HEBP1: variants seen among roughly 807,000 people sequenced by gnomAD.
HEBP1 encodes heme binding protein 1.
Under a neutral mutation model 20.4 loss-of-function variants are expected in HEBP1, and 13 were observed. The observed-to-expected ratio is 0.64, with a 90% CI of 0.42 to 1.01. The LOEUF (loss-of-function observed/expected upper bound fraction) is 1.01. HEBP1 is among the 50% of genes least tolerant of loss of function. The probability of loss-of-function intolerance (pLI) is 0.00; values close to 1 mark genes in which losing one functional copy is unlikely to be tolerated. For missense variants in HEBP1, 241 were observed against 247.3 expected, an observed-to-expected ratio of 0.97 and a Z score of 0.17; for synonymous variants, 92 against 90.7, an observed-to-expected ratio of 1.01 and a Z score of -0.08.
At chr12:12,977,247 A>G (rs929526943) in intron 3 of HEBP1, among the ~76,000 whole-genome samples, 1 of 152,222 alleles carries the variant, frequency 6.6e-6, no homozygotes, top group Non-Finnish European at 1.5e-5. Flanking sequence ...CAATCTTCGA[A>G]GGCTACTGTA....
chr12:12,993,145 C>T (rs201155283), intron 1 of HEBP1, among the ~76,000 whole-genome samples: 2 of 23,624 alleles, frequency 8.5e-5, no homozygotes, highest in Non-Finnish European at 7.6e-4. Flanking sequence ...CTCCCTCCCT[C>T]CCTTCCTTCC....
intron 3 of HEBP1, chr12:12,980,142 C>T (rs542379146): frequency 2.6e-5 from 4 of 152,338 alleles, no homozygotes; most frequent in African/African-American, 9.6e-5. Flanking sequence ...AAAGAAGTAT[C>T]AGACCAGGAA....
intron 3 of HEBP1, chr12:12,985,682 T>C (rs1864143258): frequency 6.6e-6 from 1 of 152,050 alleles, no homozygotes; most frequent in Admixed American, 6.6e-5. Flanking sequence ...CATTAGGTAA[T>C]ACATAAATAG....
intron 2 of HEBP1, among the ~76,000 whole-genome samples, chr12:12,987,608 C>CTCTCTT (rs564000637): frequency 4.2e-5 from 2 of 48,158 alleles, no homozygotes; most frequent in Admixed American, 1.7e-4. Context: ...CTCTCTCTCT[C>CTCTCTT]TCTTTCTCTC....
At chr12:12,987,125 T>C (rs768897920) in intron 3 of HEBP1, 27 bp downstream of exon 3, 1 of 1,598,166 alleles carries the variant, frequency 6.3e-7, no homozygotes, top group South Asian at 1.1e-5. Context: ...GCGCCACCCA[T>C]GGATGCCTGA....
At chr12:12,993,575 G>A (rs1469149534) in intron 1 of HEBP1, among the ~76,000 whole-genome samples, 1 of 150,188 alleles carries the variant, frequency 6.7e-6, no homozygotes, top group East Asian at 1.9e-4. Context: ...TAGCCACTGT[G>A]TTAGATACTT....
At position 12,986,668 on chromosome 12, in the gene HEBP1, T is replaced by G. The variant is rs1043252399; in HGVS notation, c.398+484A>C. The G allele has an allele frequency of 6.5e-6, 1 of 153,206 alleles. No individual in the cohort carries two copies. The highest frequency in any genetic ancestry group is 1.5e-5 in the Non-Finnish European group (1 of 68,814). The allele number at this position is 153,206 out of a possible 1,614,324, so 9.5% of individuals were successfully genotyped here. On this transcript the variant is annotated intron_variant, in intron 3 of 3. Coordinates refer to ENST00000014930, the MANE Select transcript of HEBP1 (RefSeq NM_015987.5). This position sits in a 1 kb window ranked among gnomAD's most constrained non-coding sequence, Gnocchi z 4.3. Reference sequence around the variant, plus strand: ...AAACAGGACCAGGATGACAAGAGAATAGATGTGTGCTCTGCTCAAAGGACT... The same window carrying G: ...AAACAGGACCAGGATGACAAGAGAAGAGATGTGTGCTCTGCTCAAAGGACT...
rs1864313913 is a variant in HEBP1, at chr12:12,998,194, AT to A, written c.78+1842del. Among the ~76,000 whole-genome samples the A allele has an allele frequency of 6.6e-6, 1 of 151,956 alleles. No homozygotes were observed. The highest frequency in any genetic ancestry group is 1.5e-5 in the Non-Finnish European group (1 of 67,986). On this transcript the variant is annotated intron_variant, in intron 1 of 3. Transcript: ENST00000014930. This position sits in a 1 kb window ranked among gnomAD's most constrained non-coding sequence, Gnocchi z 4.2. ...CACTATCTGATCCATGATACATTTT[AT>A]TTGTTCATTAGCCAATAAAACATAA...
At position 12,983,758 on chromosome 12, in the gene HEBP1, A is replaced by C. The variant is rs114032123; in HGVS notation, c.398+3394T>G. 410 of 456,062 alleles carry C rather than the reference A, an allele frequency of 9.0e-4. 3 individuals are homozygous for C. Among genetic ancestry groups the C allele is most frequent in the African/African-American group, 7.7e-3 (386 of 50,178 alleles). 28.3% of individuals were successfully genotyped at this position (456,062 alleles called of 1,614,324 possible). Reference sequence around the variant, plus strand: ...CAGCTGTTTAGATTTCAGAGAATTAAAAGGAAATGGTCACCGACCTGCCTT... The same window carrying C: ...CAGCTGTTTAGATTTCAGAGAATTACAAGGAAATGGTCACCGACCTGCCTT... On this transcript the variant is annotated intron_variant, in intron 3 of 3. Coordinates refer to ENST00000014930, the MANE Select transcript of HEBP1 (RefSeq NM_015987.5).
At chr12:12,984,180 G>A (rs1864122836) in intron 3 of HEBP1, 1 of 154,622 alleles carries the variant, frequency 6.5e-6, no homozygotes. Flanking sequence ...GCATGTATCT[G>A]GCTTTTTCTA....
chr12:12,981,892 G>T (rs1159435759), intron 3 of HEBP1, among the ~76,000 whole-genome samples: 1 of 152,240 alleles, frequency 6.6e-6, no homozygotes, highest in Admixed American at 6.5e-5. Context: ...CTGAAGCTAT[G>T]ATGGGGACCA....
chr12:12,991,948 G>T (rs1864229854), intron 1 of HEBP1, among the ~76,000 whole-genome samples: 1 of 152,204 alleles, frequency 6.6e-6, no homozygotes, highest in African/African-American at 2.4e-5. Context: ...ATACCACAGA[G>T]CTTTACATGT....
intron 2 of HEBP1, 57 bp downstream of exon 2, chr12:12,989,220 T>G: frequency 4.9e-5 from 78 of 1,591,928 alleles, no homozygotes; most frequent in Non-Finnish European, 6.2e-5. Context: ...ACTGATGAAG[T>G]GAGACCTTGC....
chr12:12,990,115 T>TGCGC (rs1193164975), intron 1 of HEBP1, among the ~76,000 whole-genome samples: 5 of 72,886 alleles, frequency 6.9e-5, no homozygotes, highest in Admixed American at 2.0e-4. Context: ...CTACTCTCTG[T>TGCGC]GCACACACAC....
In HEBP1 at chr12:12,996,844, T is replaced by G. The variant is rs1022747023; in HGVS notation, c.78+3193A>C. Among the ~76,000 whole-genome samples the G allele has an allele frequency of 2.6e-5, 4 of 152,190 alleles. No homozygotes were observed. The highest frequency in any genetic ancestry group is 9.7e-5 in the African/African-American group (4 of 41,432). Reference sequence around the variant, plus strand: ...GTACTAACATTGAACAGTTTTATAATTGGTTATCTCATTTGAACTTCAAAA... The same window carrying G: ...GTACTAACATTGAACAGTTTTATAAGTGGTTATCTCATTTGAACTTCAAAA... On this transcript the variant is annotated intron_variant, in intron 1 of 3. Transcript: ENST00000014930. This position sits in a 1 kb window ranked among gnomAD's most constrained non-coding sequence, Gnocchi z 4.1.
intron 3 of HEBP1, chr12:12,979,281 T>C (rs1864042851): frequency 6.6e-6 from 1 of 152,280 alleles, no homozygotes; most frequent in South Asian, 2.1e-4. Flanking sequence ...CCAGGCAGAC[T>C]GAAATGCTGG....
At position 12,975,259 on chromosome 12, in the gene HEBP1, A is replaced by C; in HGVS notation, c.*49T>G. ...ACTGTCCCCTCCTTACCCCCGAGGAAGGAGACACAGAGGCACACTTCCAGT... is the reference window on the plus strand; with the variant it reads ...ACTGTCCCCTCCTTACCCCCGAGGACGGAGACACAGAGGCACACTTCCAGT... On this transcript the variant is annotated 3_prime_UTR_variant, in exon 4 of 4. Coordinates refer to ENST00000014930, the MANE Select transcript of HEBP1 (RefSeq NM_015987.5). 60 of 1,576,762 alleles carry C rather than the reference A, an allele frequency of 3.8e-5. No individual in the cohort carries two copies. The highest frequency in any genetic ancestry group is 2.1e-4 in the Middle Eastern group (1 of 4,804).
intron 3 of HEBP1, among the ~76,000 whole-genome samples, chr12:12,983,143 A>G (rs1451915351): frequency 6.6e-6 from 1 of 152,240 alleles, no homozygotes; most frequent in Non-Finnish European, 1.5e-5. Flanking sequence ...TGAAAGTTTC[A>G]TTAAGACCAT....
At position 12,975,480 on chromosome 12, in the gene HEBP1, C is replaced by G; in HGVS notation, c.399-1G>C. The G allele has an allele frequency of 6.2e-7, 1 of 1,603,432 alleles. No homozygotes were observed. Among genetic ancestry groups the G allele is most frequent in the Non-Finnish European group, 8.5e-7 (1 of 1,176,256 alleles). The stretch of plus-strand genomic sequence containing the variant: ...TTCCTTGGCATAACCACCAAACTGC[C>G]TGGGGGTTCAAGAGCAAGGGCTGGT... On this transcript the variant is annotated splice_acceptor_variant, in intron 3 of 3. Transcript: ENST00000014930. LOFTEE classifies it high-confidence loss of function.
Sources: allele counts gnomAD v4.1 joint callset (sites outside exome capture counted in the v4.1 genomes callset), GRCh38; gene constraint gnomAD v4.1.1; non-coding constraint Gnocchi (gnomAD v3.1); transcripts MANE v1.5; gene names NCBI Gene and HGNC (gene_info 2026-07-23, HGNC 2026-07-21).